The following ASB11 variants were observed in gnomAD, a reference collection of about 807,000 sequenced individuals.
ASB11 encodes the protein ankyrin repeat and SOCS box protein 11.
In ASB11, 17 loss-of-function variants were observed where a neutral mutation model predicts 20.1. That is an observed-to-expected ratio of 0.85 (90% CI 0.58 to 1.27). The LOEUF (loss-of-function observed/expected upper bound fraction) is 1.27. Among genes scored for constraint, ASB11 ranks in the 50% most tolerant of loss-of-function variants. ASB11 has a pLI of 0.00. For missense variants in ASB11, 259 were observed against 256.9 expected (o/e 1.01, Z -0.06); for synonymous variants, 107 against 105.6 (o/e 1.01, Z -0.08).
intron 6 of ASB11, among the ~76,000 whole-genome samples, chrX:15,284,616 A>G (rs759639044): frequency 3.6e-5 from 4 of 111,828 alleles, no homozygotes; most frequent in Non-Finnish European, 5.6e-5. Context: ...CCTGAAACTG[A>G]GTCTCATGGA....
At position 15,297,665 on chromosome X, in the gene ASB11, A is replaced by T; in HGVS notation, c.278T>A (p.Leu93His). 8.3e-7 allele frequency: 1 copy of T among 1,208,650 alleles called. No individual in the cohort carries two copies. The highest frequency in any genetic ancestry group is 1.1e-6 in the Non-Finnish European group (1 of 892,801). The part of the protein sequence containing the change: ...TLIAQGVNVN[L>H]VTINRVSSLH... ...AGAAGACACCCGGTTAATTGTCACA[A>T]GGTTCACATTGACACCCTATAATTT... The change falls in exon 3 of 7, where the codon CTT (leucine) becomes CAT (histidine). Residue 93 changes from leucine to histidine, a missense_variant. Transcript: ENST00000480796.
intron 1 of ASB11, among the ~76,000 whole-genome samples, chrX:15,304,515 C>T (rs979432948): frequency 1.8e-5 from 2 of 111,960 alleles, no homozygotes; most frequent in African/African-American, 3.2e-5. Context: ...AACCTGAACC[C>T]GGACTCCTTA....
chrX:15,312,586 T>C (rs1921475584), intron 1 of ASB11, among the ~76,000 whole-genome samples: 1 of 110,584 alleles, frequency 9.0e-6, no homozygotes, highest in Non-Finnish European at 1.9e-5. Flanking sequence ...CTGCCCTTCC[T>C]TGCTTTTGAC....
rs1050844681 is a variant in ASB11, at chrX:15,283,375, G to T, written c.*130C>A. 6 of 920,221 alleles carry T rather than the reference G, an allele frequency of 6.5e-6. No individual in the cohort carries two copies. The highest frequency in any genetic ancestry group is 5.9e-4 in the Middle Eastern group (2 of 3,394). 75.8% of individuals were successfully genotyped at this position (920,221 alleles called of 1,213,427 possible). A position where few individuals can be genotyped will look rare whatever the true frequency, so the allele number is the denominator to read the frequency against. ...ACTCCTCAAGTGTTCTAGCTCATGG[G>T]GGATTTACTTCGACTGAGCTCATTT... On this transcript the variant is annotated 3_prime_UTR_variant, in exon 7 of 7. Coordinates refer to ENST00000480796, the MANE Select transcript of ASB11 (RefSeq NM_080873.3).
intron 1 of ASB11, among the ~76,000 whole-genome samples, chrX:15,313,884 T>C (rs1921519885): frequency 9.1e-6 from 1 of 110,119 alleles, no homozygotes; most frequent in Non-Finnish European, 1.9e-5. Context: ...ACCCTGTCTC[T>C]ACTAAAAATA....
At chrX:15,298,199 G>A (rs1379144906) in intron 2 of ASB11, among the ~76,000 whole-genome samples, 1 of 111,901 alleles carries the variant, frequency 8.9e-6, no homozygotes, top group Non-Finnish European at 1.9e-5. Context: ...AATCTGGCTT[G>A]GGGAGTAAGA....
chrX:15,312,320 TATG>T (rs1047296751), intron 1 of ASB11, among the ~76,000 whole-genome samples: 18 of 104,198 alleles, frequency 1.7e-4, no homozygotes, highest in African/African-American at 6.1e-4. Context: ...TTAATTCAAC[TATG>T]ATGAGTGATC....
chrX:15,295,858 T>G (rs759076290), intron 3 of ASB11, among the ~76,000 whole-genome samples: 1 of 112,196 alleles, frequency 8.9e-6, no homozygotes, highest in East Asian at 2.8e-4. Flanking sequence ...TCATCTAGCT[T>G]GAAAGGAAAC....
rs1057267349 is a variant in ASB11, at chrX:15,282,718, GTC to G, written c.*785_*786del. The G allele has an allele frequency of 3.7e-5, 4 of 109,378 alleles. No individual in the cohort carries two copies. The highest frequency in any genetic ancestry group is 1.3e-4 in the African/African-American group (4 of 30,094). The allele number at this position is 109,378 out of a possible 1,213,427, so 9.0% of individuals were successfully genotyped here. A position where few individuals can be genotyped will look rare whatever the true frequency, so the allele number is the denominator to read the frequency against. ...TCTGGGTGCACTGATCTCTTCCAAA[GTC>G]TCTCTTATCAACCAGGACCGCAGTA... On this transcript the variant is annotated 3_prime_UTR_variant, in exon 7 of 7. Transcript: ENST00000480796.
chrX:15,314,328 A>ATT, intron 1 of ASB11: 1 of 907,022 alleles, frequency 1.1e-6, no homozygotes. Flanking sequence ...CAGAAGCATT[A>ATT]CTTTTTTTTT....
In ASB11 at chrX:15,308,011, G is replaced by A. The variant is rs1017492304; in HGVS notation, c.182-5204C>T. Among the ~76,000 whole-genome samples the A allele has an allele frequency of 5.4e-5, 6 of 112,054 alleles. No individual in the cohort carries two copies. In the Admixed American group the frequency reaches 5.6e-4, roughly 11 times the overall value. ...TTCTCCAGCCCACCCAGCAGCTGGA[G>A]ACAGAAGGGCAGCATGTTCTTCACA... is the stretch of plus-strand genomic sequence containing the variant. On this transcript the variant is annotated intron_variant, in intron 1 of 6. Transcript: ENST00000480796.
At chrX:15,284,144 C>T (rs186120512) in intron 6 of ASB11, among the ~76,000 whole-genome samples, 4,028 of 103,434 alleles carry the variant, frequency 0.039, 232 homozygotes, top group African/African-American at 0.14. Context: ...CCCAGCTACT[C>T]GGGAGGCTGA....
chrX:15,295,765 G>A lies in ASB11; in HGVS notation c.369+1809C>T, dbSNP rs567385401. Reference sequence around the variant, plus strand: ...TCTTTATAAAATTGACAAAGACAAGGAAACATGTCTTATTCTTCTCTTTGT... The same window carrying A: ...TCTTTATAAAATTGACAAAGACAAGAAAACATGTCTTATTCTTCTCTTTGT... On this transcript the variant is annotated intron_variant, in intron 3 of 6. Transcript: ENST00000480796. 5.3e-5 allele frequency among the ~76,000 whole-genome samples: 6 copies of A among 112,472 alleles called. No homozygotes were observed. The South Asian group carries it at 2.2e-3, about 41-fold the overall frequency.
intron 1 of ASB11, among the ~76,000 whole-genome samples, chrX:15,303,197 C>T (rs1921130249): frequency 9.0e-6 from 1 of 111,333 alleles, no homozygotes; most frequent in Non-Finnish European, 1.9e-5. Context: ...CCTTCATCCA[C>T]ACCCCAAAGA....
intron 5 of ASB11, 111 bp from the exon 6 acceptor site, chrX:15,288,183 C>A (rs1927442412): frequency 1.2e-6 from 1 of 832,401 alleles, no homozygotes; most frequent in Non-Finnish European, 1.6e-6. Context: ...ACATACTTGA[C>A]AAATGTTTGA....
intron 1 of ASB11, among the ~76,000 whole-genome samples, chrX:15,310,761 G>T (rs888580809): frequency 6.2e-5 from 7 of 112,489 alleles, no homozygotes; most frequent in African/African-American, 1.9e-4. Flanking sequence ...GCCAAGGCAG[G>T]TGGATAACCT....
At chrX:15,285,734 T>A (rs1032216393) in intron 6 of ASB11, among the ~76,000 whole-genome samples, 2 of 110,417 alleles carry the variant, frequency 1.8e-5, no homozygotes, top group African/African-American at 6.6e-5. Flanking sequence ...CCAGGCGCGG[T>A]GGCTCACGCC....
chrX:15,295,129 G>A (rs1232364997), intron 3 of ASB11, among the ~76,000 whole-genome samples: 3 of 108,859 alleles, frequency 2.8e-5, no homozygotes, highest in Non-Finnish European at 3.8e-5. Flanking sequence ...TGCAACCTCC[G>A]CCTCCTGGGT....
At chrX:15,306,633 G>A (rs978633997) in intron 1 of ASB11, among the ~76,000 whole-genome samples, 5 of 110,712 alleles carry the variant, frequency 4.5e-5, no homozygotes, top group African/African-American at 1.6e-4. Flanking sequence ...AACCCGGGAG[G>A]TGGAGGCTGC....
Sources: gnomAD v4.1 joint callset for allele counts (sites outside exome capture counted in the v4.1 genomes callset) on GRCh38, gnomAD v4.1.1 for gene constraint, MANE v1.5 for transcripts, NCBI Gene and HGNC (gene_info 2026-07-23, HGNC 2026-07-21) for gene names.